Variants in BCAR3 observed in about 807,000 individuals in gnomAD.
BCAR3 encodes the protein BCAR3 adaptor protein, NSP family member, also known as breast cancer anti-estrogen resistance protein 3.
Under a neutral mutation model 80.1 loss-of-function variants are expected in BCAR3, and 37 were observed. The ratio of observed to expected loss-of-function variants is 0.46; its 90% CI spans 0.36 to 0.61. BCAR3 has a LOEUF of 0.61. BCAR3 is among the 20% of genes least tolerant of loss of function. BCAR3 has a pLI of 0.00. For synonymous variants in BCAR3, 389 were observed against 418.9 expected, an observed-to-expected ratio of 0.93 and a Z score of 0.87; for missense variants, 978 against 1,068.2, an observed-to-expected ratio of 0.92 and a Z score of 1.18.
intron 2 of BCAR3, among the ~76,000 whole-genome samples, chr1:93,748,880 C>T (rs185909534): frequency 5.3e-5 from 8 of 152,294 alleles, no homozygotes; most frequent in African/African-American, 1.9e-4. Flanking sequence ...GAACTGTGTC[C>T]TATGCTTCTT....
chr1:93,627,359 A>C (rs959693369), intron 3 of BCAR3, among the ~76,000 whole-genome samples: 3 of 152,238 alleles, frequency 2.0e-5, no homozygotes, highest in African/African-American at 7.2e-5. Flanking sequence ...TTCAGAGTCC[A>C]CATTGCAGTT....
At chr1:93,657,002 C>T (rs1225799762) in intron 2 of BCAR3, among the ~76,000 whole-genome samples, 1 of 152,158 alleles carries the variant, frequency 6.6e-6, no homozygotes, top group African/African-American at 2.4e-5. Flanking sequence ...TTGTGGATAA[C>T]CTGAGTAGCA....
chr1:93,594,014 G>T (rs544833834), intron 3 of BCAR3, among the ~76,000 whole-genome samples: 1 of 152,184 alleles, frequency 6.6e-6, no homozygotes, highest in Non-Finnish European at 1.5e-5. Context: ...GTTTGACACC[G>T]TCCGCTCCCA....
intron 2 of BCAR3, among the ~76,000 whole-genome samples, chr1:93,798,357 TA>T (rs1653356487): frequency 6.6e-6 from 1 of 152,234 alleles, no homozygotes; most frequent in Non-Finnish European, 1.5e-5. Flanking sequence ...TTTTTATTTT[TA>T]TTTTTTTTGC....
rs377547702 is a variant in BCAR3 at position 93,703,427 on chromosome 1, T to C, written c.-12+2665A>G. On this transcript the variant is annotated intron_variant, in intron 3 of 13. Transcript: ENST00000370244. ...TGTCTCTATTTAAAAAATTAGCAGGTGTCGTGGTACACTCCTGTAGTCCTA... is the reference window on the plus strand; with the variant it reads ...TGTCTCTATTTAAAAAATTAGCAGGCGTCGTGGTACACTCCTGTAGTCCTA... Among the ~76,000 whole-genome samples the C allele has an allele frequency of 6.6e-5, 10 of 152,046 alleles. 1 individual carries two copies. The South Asian group carries it at 1.0e-3, about 16-fold the overall frequency.
chr1:93,802,912 TCTC>T (rs1253480676), intron 2 of BCAR3, among the ~76,000 whole-genome samples: 1 of 152,132 alleles, frequency 6.6e-6, no homozygotes, highest in African/African-American at 2.4e-5. Flanking sequence ...ACTCCCTCCT[TCTC>T]CTTTGTCTGC....
chr1:93,727,246 T>C (rs938303409), intron 2 of BCAR3, among the ~76,000 whole-genome samples: 1 of 152,200 alleles, frequency 6.6e-6, no homozygotes, highest in East Asian at 1.9e-4. Flanking sequence ...TGGAACCACA[T>C]AAGCCCCTTA....
chr1:93,625,250 T>C (rs1675422995), intron 3 of BCAR3, among the ~76,000 whole-genome samples: 1 of 152,206 alleles, frequency 6.6e-6, no homozygotes, highest in Admixed American at 6.5e-5. Context: ...AACTTTGAAC[T>C]AGCTGGGATT....
intron 8 of BCAR3, among the ~76,000 whole-genome samples, 183 bp downstream of exon 8, chr1:93,575,829 TTG>T (rs1210077967): frequency 1.3e-5 from 2 of 152,156 alleles, no homozygotes; most frequent in Admixed American, 1.3e-4. Context: ...TGTGCTGTCT[TTG>T]TGTGCAACTC....
chr1:93,759,198 G>C (rs977911711), intron 2 of BCAR3, among the ~76,000 whole-genome samples: 2 of 152,138 alleles, frequency 1.3e-5, no homozygotes, highest in Non-Finnish European at 1.5e-5. Context: ...GTCTGAAAAG[G>C]CTTTTGCCAC....
intron 8 of BCAR3, among the ~76,000 whole-genome samples, chr1:93,572,871 C>T (rs991959878): frequency 6.6e-6 from 1 of 152,208 alleles, no homozygotes; most frequent in Non-Finnish European, 1.5e-5. Context: ...CGGTCTCTTG[C>T]TCTCCCTGAG....
intron 2 of BCAR3, among the ~76,000 whole-genome samples, chr1:93,720,759 G>C (rs1172083576): frequency 1.3e-5 from 2 of 152,208 alleles, no homozygotes; most frequent in African/African-American, 4.8e-5. Context: ...GGAGCCAGAG[G>C]AACACAGACC....
chr1:93,798,900 TCTC>T (rs1187382798), intron 2 of BCAR3, among the ~76,000 whole-genome samples: 2 of 152,058 alleles, frequency 1.3e-5, no homozygotes, highest in Non-Finnish European at 1.5e-5. Context: ...CATGAGGTAA[TCTC>T]CTCAGTTGCT....
At chr1:93,719,112 C>T (rs78282329) in intron 2 of BCAR3, among the ~76,000 whole-genome samples, 4,888 of 151,930 alleles carry the variant, frequency 0.032, 246 homozygotes, top group African/African-American at 0.11. Context: ...TATCTTTTTC[C>T]GCCTGTAAAA....
chr1:93,745,098 C>T (rs960263313), intron 2 of BCAR3, among the ~76,000 whole-genome samples: 1 of 152,234 alleles, frequency 6.6e-6, no homozygotes, highest in South Asian at 2.1e-4. Flanking sequence ...CTCTCTTTCC[C>T]ACAGACAAAC....
At chr1:93,617,914 G>A (rs1675180355) in intron 3 of BCAR3, among the ~76,000 whole-genome samples, 2 of 152,210 alleles carry the variant, frequency 1.3e-5, no homozygotes, top group South Asian at 4.1e-4. Context: ...TTGATCCGCA[G>A]CCTTGCTTCT....
At chr1:93,677,810 CTGGTA>C (rs1648553727) in intron 1 of BCAR3, among the ~76,000 whole-genome samples, 1 of 152,100 alleles carries the variant, frequency 6.6e-6, no homozygotes, top group South Asian at 2.1e-4. Context: ...AGGTTAGATA[CTGGTA>C]TGCACAATTA....
intron 3 of BCAR3, among the ~76,000 whole-genome samples, chr1:93,624,461 T>C (rs1002872229): frequency 3.3e-5 from 5 of 152,216 alleles, no homozygotes; most frequent in African/African-American, 1.2e-4. Context: ...GAGCCCCTGC[T>C]CTCAGTCTGT....
chr1:93,713,315 G>A (rs1284834292), intron 2 of BCAR3, among the ~76,000 whole-genome samples: 1 of 152,158 alleles, frequency 6.6e-6, no homozygotes, highest in Non-Finnish European at 1.5e-5. Context: ...GGAAGCCACA[G>A]AACTCTTTGT....
Sources: gnomAD v4.1 joint callset for allele counts (sites outside exome capture counted in the v4.1 genomes callset) on GRCh38, gnomAD v4.1.1 for gene constraint, MANE v1.5 for transcripts, NCBI Gene and HGNC (gene_info 2026-07-23, HGNC 2026-07-21) for gene names.